RALGAPA1: variants seen among roughly 807,000 people sequenced by gnomAD.
RALGAPA1 encodes the protein Ral GTPase activating protein catalytic subunit alpha 1.
Under a neutral mutation model 269.6 loss-of-function variants are expected in RALGAPA1, and 52 were observed. That is an observed-to-expected ratio of 0.19 (90% CI 0.15 to 0.24). The LOEUF (loss-of-function observed/expected upper bound fraction) is 0.24. Among genes scored for constraint, RALGAPA1 ranks in the 10% least tolerant of loss-of-function variants. The probability of loss-of-function intolerance (pLI) is 1.00; values close to 1 mark genes in which losing one functional copy is unlikely to be tolerated. For missense variants in RALGAPA1, 1,917 were observed against 3,013.9 expected (o/e 0.64, Z 8.52); for synonymous variants, 817 against 1,008.3 (o/e 0.81, Z 3.60).
At chr14:35,651,188 AT>A (rs1242989446) in intron 31 of RALGAPA1, among the ~76,000 whole-genome samples, 1 of 152,182 alleles carries the variant, frequency 6.6e-6, no homozygotes, top group Non-Finnish European at 1.5e-5. Context: ...CAAGGACTCT[AT>A]TTTAATTATT....
intron 37 of RALGAPA1, among the ~76,000 whole-genome samples, chr14:35,592,343 A>G (rs887350253): frequency 1.3e-5 from 2 of 152,240 alleles, no homozygotes; most frequent in Non-Finnish European, 1.5e-5. Context: ...GAACAGACCA[A>G]TAACAAAGAG....
chr14:35,805,716 G>A (rs2077322175), intron 1 of RALGAPA1, among the ~76,000 whole-genome samples: 1 of 140,500 alleles, frequency 7.1e-6, no homozygotes, highest in African/African-American at 2.7e-5. Context: ...ACGGAGTCTC[G>A]CTCTGTTGCC....
Position 35,597,326 on chromosome 14 carries a change from T to A in RALGAPA1, c.7054-1537A>T, listed in dbSNP as rs138554181. Among the ~76,000 whole-genome samples the A allele has an allele frequency of 2.3e-4, 35 of 152,276 alleles. No individual in the cohort carries two copies. In the East Asian group the frequency reaches 6.0e-3, roughly 26 times the overall value. ...TATAGTATATTATCACACTTTATGA[T>A]CTTTGCTAATCTGATAGGTGACAAA... is the stretch of plus-strand genomic sequence containing the variant. On this transcript the variant is annotated intron_variant, in intron 36 of 41. Transcript: ENST00000680220.
At chr14:35,758,260 A>C (rs1261769798) in intron 6 of RALGAPA1, among the ~76,000 whole-genome samples, 1 of 151,032 alleles carries the variant, frequency 6.6e-6, no homozygotes, top group Non-Finnish European at 1.5e-5. Flanking sequence ...AAAAAAAAAA[A>C]AAAAAACAAA....
chr14:35,756,749 C>T, intron 7 of RALGAPA1, 44 bp downstream of exon 7: 1 of 1,311,934 alleles, frequency 7.6e-7, no homozygotes, highest in South Asian at 1.3e-5. Flanking sequence ...GAATCACCCA[C>T]ATAGGATAGT....
At chr14:35,598,410 T>C (rs2059058401) in intron 36 of RALGAPA1, among the ~76,000 whole-genome samples, 1 of 150,818 alleles carries the variant, frequency 6.6e-6, no homozygotes, top group Admixed American at 6.6e-5. Flanking sequence ...TTTATATATA[T>C]ATATTTTATT....
At chr14:35,616,922 T>C (rs180816854) in intron 35 of RALGAPA1, among the ~76,000 whole-genome samples, 4 of 152,252 alleles carry the variant, frequency 2.6e-5, no homozygotes, top group Non-Finnish European at 5.9e-5. Context: ...CAAGATATAT[T>C]GTTATGGAGA....
chr14:35,690,060 A>G lies in RALGAPA1; in HGVS notation c.2408-57T>C, dbSNP rs966528612. ...AACTACACAAATATAAAAAATAATT[A>G]TTAATTTCAATAATGCTCTAAAGCA... On this transcript the variant is annotated intron_variant, in intron 17 of 41. Coordinates refer to ENST00000680220, the MANE Select transcript of RALGAPA1 (RefSeq NM_001346249.2). 17 of 1,237,612 alleles carry G rather than the reference A, an allele frequency of 1.4e-5. No individual in the cohort carries two copies. The Admixed American group carries it at 3.7e-4, about 27-fold the overall frequency. 76.7% of individuals were successfully genotyped at this position (1,237,612 alleles called of 1,614,324 possible). A position where few individuals can be genotyped will look rare whatever the true frequency, so the allele number is the denominator to read the frequency against.
chr14:35,752,495 A>G lies in RALGAPA1; in HGVS notation c.664-333T>C, dbSNP rs527314420. Among the ~76,000 whole-genome samples, 43 of 152,292 alleles carry G rather than the reference A, an allele frequency of 2.8e-4. No individual in the cohort carries two copies. In the South Asian group the frequency reaches 8.5e-3, roughly 30 times the overall value. On this transcript the variant is annotated intron_variant, in intron 7 of 41. Transcript: ENST00000680220. ...AAAAAACCATACAAAATACATAAGC[A>G]TATGTGGCAGGGGTGTGTGTATGTA... is the stretch of plus-strand genomic sequence containing the variant.
chr14:35,578,052 C>T (rs1198452011), intron 37 of RALGAPA1, among the ~76,000 whole-genome samples: 3 of 152,180 alleles, frequency 2.0e-5, no homozygotes, highest in Non-Finnish European at 4.4e-5. Flanking sequence ...CTTCCCTCCT[C>T]CATATCCACC....
At chr14:35,624,222 A>C (rs1376344401) in intron 35 of RALGAPA1, among the ~76,000 whole-genome samples, 68 of 151,254 alleles carry the variant, frequency 4.5e-4, no homozygotes, top group Non-Finnish European at 9.3e-4. Flanking sequence ...AAAAAAAAAA[A>C]AAAAAAGGAG....
intron 36 of RALGAPA1, 97 bp downstream of exon 36, chr14:35,605,489 T>G: frequency 1.6e-6 from 2 of 1,261,766 alleles, no homozygotes; most frequent in Non-Finnish European, 2.2e-6. Flanking sequence ...AGTTGTTGTA[T>G]CTCCTAAAAT....
At position 35,614,414 on chromosome 14, in the gene RALGAPA1, G is replaced by A. The variant is rs189571997; in HGVS notation, c.6930-8705C>T. Among the ~76,000 whole-genome samples the A allele has an allele frequency of 1.7e-3, 253 of 152,184 alleles. 1 individual carries two copies. The highest frequency in any genetic ancestry group is 5.7e-3 in the African/African-American group (235 of 41,542). ...AAATAAAGTAGAAACATGCTGCATC[G>A]TGAATGAACTTTGAAATCATCATGC... On this transcript the variant is annotated intron_variant, in intron 35 of 41. Coordinates refer to ENST00000680220, the MANE Select transcript of RALGAPA1 (RefSeq NM_001346249.2).
chr14:35,700,811 T>C (rs1193973226), intron 16 of RALGAPA1, among the ~76,000 whole-genome samples: 3 of 152,206 alleles, frequency 2.0e-5, no homozygotes, highest in Non-Finnish European at 4.4e-5. Flanking sequence ...AGGTCTTTCT[T>C]AGAAATTTTT....
chr14:35,658,510 T>C (rs1022798423), intron 28 of RALGAPA1, among the ~76,000 whole-genome samples: 8 of 152,084 alleles, frequency 5.3e-5, no homozygotes, highest in Non-Finnish European at 8.8e-5. Flanking sequence ...GCATCAAGAA[T>C]ATAAAATATG....
At chr14:35,762,245 G>C (rs551195155) in intron 5 of RALGAPA1, among the ~76,000 whole-genome samples, 3 of 148,066 alleles carry the variant, frequency 2.0e-5, no homozygotes, top group African/African-American at 7.4e-5. Context: ...CTCTTGCTAC[G>C]TTTTTTTTTT....
intron 1 of RALGAPA1, among the ~76,000 whole-genome samples, chr14:35,802,133 C>A (rs2077021916): frequency 1.3e-5 from 2 of 152,254 alleles, no homozygotes; most frequent in Middle Eastern, 3.4e-3. Flanking sequence ...CATGGTGAAA[C>A]CCCGTCTCTA....
chr14:35,776,705 CTT>C (rs2075058035), intron 1 of RALGAPA1, among the ~76,000 whole-genome samples: 1 of 152,048 alleles, frequency 6.6e-6, no homozygotes, highest in African/African-American at 2.4e-5. Context: ...TCTGAAAAGA[CTT>C]TTAAGGACAG....
Position 35,716,202 on chromosome 14 carries a change from T to C in RALGAPA1, c.2266+5486A>G, listed in dbSNP as rs1273394362. On this transcript the variant is annotated intron_variant, in intron 16 of 41. Transcript: ENST00000680220. Reference sequence around the variant, plus strand: ...TGAGGTCAGGAGTTCAAGACCAGCCTGGTCAACATGGTGAAACCCCTTCTC... The same window carrying C: ...TGAGGTCAGGAGTTCAAGACCAGCCCGGTCAACATGGTGAAACCCCTTCTC... The C allele has an allele frequency of 3.6e-5, 13 of 358,194 alleles. No homozygotes were observed. In the Admixed American group the frequency reaches 7.8e-4, roughly 21 times the overall value. The allele number at this position is 358,194 out of a possible 1,614,324, so 22.2% of individuals were successfully genotyped here.
Sources: gnomAD v4.1 joint callset for allele counts (sites outside exome capture counted in the v4.1 genomes callset) on GRCh38, gnomAD v4.1.1 for gene constraint, MANE v1.5 for transcripts, NCBI Gene and HGNC (gene_info 2026-07-23, HGNC 2026-07-21) for gene names.